The following PDZD2 variants were observed in gnomAD, a reference collection of about 807,000 sequenced individuals.
PDZD2 encodes PDZ domain-containing protein 2.
Under a neutral mutation model 220.7 loss-of-function variants are expected in PDZD2, and 90 were observed. The observed-to-expected ratio is 0.41, with a 90% CI of 0.34 to 0.49. The LOEUF (loss-of-function observed/expected upper bound fraction) is 0.49. Among genes scored for constraint, PDZD2 ranks in the 20% least tolerant of loss-of-function variants. The pLI is 0.28. For missense variants in PDZD2, 3,174 were observed against 3,608.5 expected, an observed-to-expected ratio of 0.88 and a Z score of 3.08; for synonymous variants, 1,375 against 1,450.5, an observed-to-expected ratio of 0.95 and a Z score of 1.18.
At chr5:31,928,918 A>G (rs1158222823) in intron 2 of PDZD2, among the ~76,000 whole-genome samples, 1 of 152,054 alleles carries the variant, frequency 6.6e-6, no homozygotes, top group African/African-American at 2.4e-5. Context: ...AGGGAATATT[A>G]AGGATCTAAG....
chr5:31,732,062 G>T (rs1561415111), intron 1 of PDZD2, among the ~76,000 whole-genome samples: 1 of 152,174 alleles, frequency 6.6e-6, no homozygotes, highest in Non-Finnish European at 1.5e-5. Context: ...AAGTCTGTCT[G>T]GAACAAACCT....
intron 5 of PDZD2, among the ~76,000 whole-genome samples, chr5:32,010,084 CAA>C (rs57019948): frequency 4.5e-5 from 6 of 131,994 alleles, no homozygotes; most frequent in African/African-American, 1.9e-4. Context: ...AAGACTGTCT[CAA>C]AAAAAAGAAA....
At chr5:31,790,853 C>G (rs1027553505) in intron 1 of PDZD2, among the ~76,000 whole-genome samples, 1 of 151,808 alleles carries the variant, frequency 6.6e-6, no homozygotes, top group Non-Finnish European at 1.5e-5. Flanking sequence ...CACCCACCAC[C>G]GCACCCAGCT....
intron 2 of PDZD2, among the ~76,000 whole-genome samples, chr5:31,818,794 G>T (rs201611910): frequency 1.3e-5 from 2 of 152,054 alleles, no homozygotes; most frequent in Admixed American, 6.6e-5. Flanking sequence ...CTTGTGATTC[G>T]CCTACACTAA....
At chr5:31,790,001 C>T (rs1487396426) in intron 1 of PDZD2, among the ~76,000 whole-genome samples, 1 of 152,242 alleles carries the variant, frequency 6.6e-6, no homozygotes, top group African/African-American at 2.4e-5. Flanking sequence ...CCAAATCCTT[C>T]TGGCCAAGAA....
chr5:31,752,068 G>GTTCTTTTTT (rs1251840861), intron 1 of PDZD2, among the ~76,000 whole-genome samples: 1 of 95,918 alleles, frequency 1.0e-5, no homozygotes, highest in African/African-American at 4.5e-5. Flanking sequence ...TATTGTTTTG[G>GTTCTTTTTT]GTTTGTTTTT....
At chr5:31,651,444 G>A (rs1052529968) in intron 1 of PDZD2, among the ~76,000 whole-genome samples, 1 of 152,138 alleles carries the variant, frequency 6.6e-6, no homozygotes, top group Non-Finnish European at 1.5e-5. Flanking sequence ...GCTGCTCATT[G>A]TTCCTGCTAA....
At chr5:32,104,747 CAT>C (rs1194726022) in intron 24 of PDZD2, among the ~76,000 whole-genome samples, 4 of 65,976 alleles carry the variant, frequency 6.1e-5, no homozygotes, top group East Asian at 4.9e-4. Flanking sequence ...AAAAAAAAAA[CAT>C]ATAAAATGTT....
At chr5:31,994,281 T>TA (rs1751462340) in intron 3 of PDZD2, among the ~76,000 whole-genome samples, 1 of 152,052 alleles carries the variant, frequency 6.6e-6, no homozygotes, top group Admixed American at 6.6e-5. Flanking sequence ...GTGCTGGGAT[T>TA]ACAGGCATGA....
chr5:31,887,691 G>A (rs1306846284), intron 2 of PDZD2, among the ~76,000 whole-genome samples: 1 of 152,142 alleles, frequency 6.6e-6, no homozygotes. Context: ...TCGCATAGCT[G>A]TACAGAGAAC....
At chr5:31,989,427 T>TTTTTTTTTTTATTTTTATTTATTTA (rs1751025685) in intron 3 of PDZD2, among the ~76,000 whole-genome samples, 6 of 144,708 alleles carry the variant, frequency 4.1e-5, no homozygotes, top group Admixed American at 1.3e-4. Flanking sequence ...TTTTCTTTTT[T>TTTTTTTTTTTATTTTTATTTATTTA]TTTTTTTTTT....
chr5:31,911,368 G>A (rs574259226), intron 2 of PDZD2, among the ~76,000 whole-genome samples: 1 of 152,350 alleles, frequency 6.6e-6, no homozygotes, highest in Non-Finnish European at 1.5e-5. Context: ...AGAGCCTGGG[G>A]CAGTAGAGTT....
chr5:31,910,733 T>C (rs1407834013), intron 2 of PDZD2, among the ~76,000 whole-genome samples: 1 of 151,922 alleles, frequency 6.6e-6, no homozygotes, highest in African/African-American at 2.4e-5. Flanking sequence ...TTTCACCATG[T>C]TGGCCAGGCT....
In PDZD2 at chr5:31,995,020, C is replaced by T. The variant is rs147350538; in HGVS notation, c.979-556C>T. On this transcript the variant is annotated intron_variant, in intron 3 of 24. Coordinates refer to ENST00000438447, the MANE Select transcript of PDZD2 (RefSeq NM_178140.4). Reference sequence around the variant, plus strand: ...TATAAATGGCAGAGCTAGGTTCCAACTAGTTGAAGTCTCCTGGCACCAAGA... The same window carrying T: ...TATAAATGGCAGAGCTAGGTTCCAATTAGTTGAAGTCTCCTGGCACCAAGA... Among the ~76,000 whole-genome samples the T allele has an allele frequency of 2.9e-3, 438 of 152,264 alleles. 3 individuals carry two copies. The highest frequency in any genetic ancestry group is 0.01 in the African/African-American group (422 of 41,548).
intron 21 of PDZD2, among the ~76,000 whole-genome samples, chr5:32,097,017 G>A (rs546759168): frequency 6.6e-6 from 1 of 151,766 alleles, no homozygotes; most frequent in Non-Finnish European, 1.5e-5. Context: ...TGTAGAGACA[G>A]GGTTTTGCCA....
In PDZD2 at chr5:32,048,557, A is replaced by T; in HGVS notation, c.1538A>T (p.Glu513Val). 1.9e-6 allele frequency: 3 copies of T among 1,613,796 alleles called. No individual in the cohort carries two copies. The highest frequency in any genetic ancestry group is 1.7e-6 in the Non-Finnish European group (2 of 1,179,772). Residue 513 changes from glutamate (E) to valine (V), a missense_variant, in exon 8 of 25, where the codon GAG becomes GTG. By Grantham distance (121) the Glu-to-Val change is moderately radical (BLOSUM62 -2). Coordinates refer to ENST00000438447, the MANE Select transcript of PDZD2 (RefSeq NM_178140.4). The stretch of plus-strand genomic sequence containing the variant: ...TCTCAAGGGGGTGTACACCGCCTTG[A>T]GTCAGTTGAAGAATATAACGAGCTG... ...SRLSGGVHRL[E>V]SVEEYNELMV...
intron 2 of PDZD2, among the ~76,000 whole-genome samples, chr5:31,819,844 A>T (rs1755720161): frequency 6.6e-6 from 1 of 152,160 alleles, no homozygotes; most frequent in African/African-American, 2.4e-5. Context: ...CAGTGACAAT[A>T]TACAAAAGTG....
intron 6 of PDZD2, among the ~76,000 whole-genome samples, chr5:32,017,457 T>C (rs1229863264): frequency 6.6e-6 from 1 of 151,032 alleles, no homozygotes; most frequent in African/African-American, 2.4e-5. Flanking sequence ...AAAAAAAAAT[T>C]AGAAAAAAAT....
In PDZD2 at chr5:32,092,896, A is replaced by C; in HGVS notation, c.7728-11A>C. 7.6e-7 allele frequency: 1 copy of C among 1,320,872 alleles called. No homozygotes were observed. Among genetic ancestry groups the C allele is most frequent in the Non-Finnish European group, 1.1e-6 (1 of 931,360 alleles). 81.8% of individuals were successfully genotyped at this position (1,320,872 alleles called of 1,614,324 possible). ...TCTTTAATGTTCTTCAAATATATTT[A>C]TATTATTTAGTTTGGATCAACTTCT... On this transcript the variant is annotated splice_polypyrimidine_tract_variant and intron_variant, in intron 20 of 24. Transcript: ENST00000438447.
Sources: allele counts gnomAD v4.1 joint callset (sites outside exome capture counted in the v4.1 genomes callset), GRCh38; gene constraint gnomAD v4.1.1; transcripts MANE v1.5; gene names NCBI Gene and HGNC (gene_info 2026-07-23, HGNC 2026-07-21).